The following CELA3B variants were observed in gnomAD, a reference collection of about 807,000 sequenced individuals.
The protein encoded by CELA3B is chymotrypsin-like elastase family member 3B.
In CELA3B, 34 loss-of-function variants were observed where a neutral mutation model predicts 37.2. The observed-to-expected ratio is 0.91, with a 90% CI of 0.70 to 1.22. The LOEUF (loss-of-function observed/expected upper bound fraction) is 1.22, where lower values mean the gene tolerates loss of function less well. Ranked by LOEUF, CELA3B falls within the 50% of genes most tolerant of loss-of-function variation. The pLI is 0.00. For missense variants in CELA3B, 340 were observed against 363.1 expected, an observed-to-expected ratio of 0.94 and a Z score of 0.52; for synonymous variants, 127 against 143.5, an observed-to-expected ratio of 0.89 and a Z score of 0.82.
Position 21,981,125 on chromosome 1 carries a change from G to A in CELA3B, c.315G>A (p.Gly105=), listed in dbSNP as rs758547151. ...AGCAGGTGATCCCCATCAACTCTGG[G>A]GACCTCTTTGTGCATCCACTCTGGA... ...GPEQVIPINS[G]DLFVHPLWNR... is the part of the protein sequence containing the mutation. The change falls in exon 4 of 8, where the codon GGG becomes GGA. Residue 105 remains glycine, a synonymous_variant. Coordinates refer to ENST00000337107, the MANE Select transcript of CELA3B (RefSeq NM_007352.4). The A allele has an allele frequency of 2.5e-6, 4 of 1,612,982 alleles. No individual in the cohort carries two copies. Among genetic ancestry groups the A allele is most frequent in the Non-Finnish European group, 2.5e-6 (3 of 1,180,018 alleles).
intron 4 of CELA3B, among the ~76,000 whole-genome samples, chr1:21,982,779 A>G (rs1644812890): frequency 6.6e-6 from 1 of 151,904 alleles, no homozygotes; most frequent in Non-Finnish European, 1.5e-5. Context: ...CCAGGTTCAC[A>G]CCATTCTCCT....
At chr1:21,977,916 C>A (rs1240964206) in intron 1 of CELA3B, 1 of 290,014 alleles carries the variant, frequency 3.4e-6, no homozygotes, top group Admixed American at 5.6e-5. Context: ...GCTATGTTGC[C>A]CAGGCTGGTC....
At chr1:21,985,510 T>C (rs1478684017) in intron 6 of CELA3B, among the ~76,000 whole-genome samples, 2 of 151,832 alleles carry the variant, frequency 1.3e-5, no homozygotes, top group Non-Finnish European at 2.9e-5. Flanking sequence ...ACTCTTGGGC[T>C]CAAGTGATCC....
intron 4 of CELA3B, among the ~76,000 whole-genome samples, chr1:21,994,397 T>C (rs999948853): frequency 6.6e-6 from 1 of 151,082 alleles, no homozygotes; most frequent in African/African-American, 2.5e-5. Flanking sequence ...CCTCTCTCTG[T>C]CCTACCATCT....
chr1:21,987,839 A>T (rs1403626202), intron 7 of CELA3B: 1 of 151,552 alleles, frequency 6.6e-6, no homozygotes, highest in Non-Finnish European at 1.5e-5. Flanking sequence ...CAGCACATGT[A>T]CTAAAATTGG....
In CELA3B at chr1:21,977,395, G is replaced by A. The variant is rs578102703; in HGVS notation, c.43+313G>A. 2.5e-3 allele frequency among the ~76,000 whole-genome samples: 379 copies of A among 152,176 alleles called. 1 individual carries two copies. The highest frequency in any genetic ancestry group is 3.5e-3 in the Admixed American group (53 of 15,272). ...CTTGGGTTGGAATTTCCACTGTTCTGCTTACCACTCCAACTCTCCTCTCAC... is the reference window on the plus strand; with the variant it reads ...CTTGGGTTGGAATTTCCACTGTTCTACTTACCACTCCAACTCTCCTCTCAC... On this transcript the variant is annotated intron_variant, in intron 1 of 7. Coordinates refer to ENST00000337107, the MANE Select transcript of CELA3B (RefSeq NM_007352.4).
chr1:21,985,338 C>T lies in CELA3B; in HGVS notation c.642+1007C>T, dbSNP rs113275546. On this transcript the variant is annotated intron_variant, in intron 6 of 7. Transcript: ENST00000337107. ...TGTTGCCCAGGCTGCAGTGCAGTAA[C>T]GCCATCACAGCCCACTGTAGCCTTG... is the stretch of plus-strand genomic sequence containing the variant. Among the ~76,000 whole-genome samples the T allele has an allele frequency of 9.1e-3, 1,365 of 149,198 alleles. 35 individuals are homozygous for T. The highest frequency in any genetic ancestry group is 0.063 in the East Asian group (310 of 4,928).
chr1:21,979,641 A>G (rs907448274), intron 2 of CELA3B, among the ~76,000 whole-genome samples: 18 of 150,894 alleles, frequency 1.2e-4, no homozygotes, highest in Non-Finnish European at 2.5e-4. Context: ...TGTTGTAGAG[A>G]TGGGGTCTCA....
rs940774086 is a variant in CELA3B, at chr1:21,996,876, G to C, written c.505-1275G>C. 7.5e-4 allele frequency among the ~76,000 whole-genome samples: 113 copies of C among 151,230 alleles called. 9 individuals are homozygous for C. Among genetic ancestry groups the C allele is most frequent in the African/African-American group, 2.5e-3 (103 of 40,820 alleles). On this transcript the variant is annotated intron_variant, in intron 4 of 4. Transcript: ENST00000400277. ...TTGTACCACAGGTGGGGCACCTGCA[G>C]GGCCTCCTTCCCCATCCCTGACACT...
intron 7 of CELA3B, among the ~76,000 whole-genome samples, chr1:21,988,160 C>T (rs1394552934): frequency 1.1e-4 from 16 of 151,646 alleles, no homozygotes; most frequent in Middle Eastern, 3.4e-3. Context: ...TGCAGTGCGC[C>T]GAGATTACGC....
intron 4 of CELA3B, among the ~76,000 whole-genome samples, chr1:21,982,828 C>T (rs1457923189): frequency 1.0e-5 from 1 of 98,774 alleles, no homozygotes; most frequent in Non-Finnish European, 2.2e-5. Flanking sequence ...CAGGTGCCCG[C>T]CACCAAGCCC....
downstream of CELA3B, among the ~76,000 whole-genome samples, chr1:21,990,789 C>G (rs150567618): frequency 1.1e-4 from 1 of 9,314 alleles, no homozygotes; most frequent in African/African-American, 4.3e-4. Context: ...CCCAGCTACT[C>G]GGAAGACTGA....
At chr1:21,980,970 G>T in intron 3 of CELA3B, 49 bp downstream of exon 3, 1 of 1,614,110 alleles carries the variant, frequency 6.2e-7, no homozygotes, top group East Asian at 2.2e-5. Flanking sequence ...AGCTGGGGAG[G>T]GTGGGTGATG....
downstream of CELA3B, among the ~76,000 whole-genome samples, chr1:21,992,393 G>A (rs1397753088): frequency 1.4e-4 from 22 of 151,908 alleles, no homozygotes; most frequent in African/African-American, 5.3e-4. Context: ...AACATAGTGA[G>A]ACCCCACCTC....
At position 21,981,074 on chromosome 1, in the gene CELA3B, C is replaced by T. The variant is rs377213641; in HGVS notation, c.264C>T (p.Tyr88=). Residue 88 remains tyrosine, a synonymous_variant, in exon 4 of 8, where the codon TAC becomes TAT. Transcript: ENST00000337107. ...CCTACCAGGTGGTGTTGGGCGAGTA[C>T]GACCGTGCTGTGAAGGAGGGCCCCG... is the stretch of plus-strand genomic sequence containing the variant. The part of the protein sequence containing the change: ...SRTYQVVLGE[Y]DRAVKEGPEQ... 7.5e-5 allele frequency: 121 copies of T among 1,613,886 alleles called. 2 individuals are homozygous for T. Among genetic ancestry groups the T allele is most frequent in the South Asian group, 2.6e-4 (24 of 91,078 alleles).
chr1:21,984,038 T>C, intron 5 of CELA3B, 151 bp from the exon 6 acceptor site: 1 of 1,241,652 alleles, frequency 8.1e-7, no homozygotes, highest in Non-Finnish European at 1.1e-6. Flanking sequence ...GCTAGGGATG[T>C]AATGGTGCAC....
downstream of CELA3B, among the ~76,000 whole-genome samples, chr1:21,991,944 G>T (rs1294746981): frequency 6.7e-6 from 1 of 150,196 alleles, no homozygotes; most frequent in African/African-American, 2.5e-5. Context: ...ACATGGTGAA[G>T]CCCCGTCTCT....
At chr1:21,982,997 G>A (rs971103477) in intron 4 of CELA3B, among the ~76,000 whole-genome samples, 23 of 152,278 alleles carry the variant, frequency 1.5e-4, no homozygotes, top group Middle Eastern at 3.4e-3. Flanking sequence ...TCAAAGGAGC[G>A]GACAATTCTG....
rs780136393 is a variant in CELA3B, at chr1:21,981,126, G to A, written c.316G>A (p.Asp106Asn). The A allele has an allele frequency of 1.2e-6, 2 of 1,612,986 alleles. No homozygotes were observed. The highest frequency in any genetic ancestry group is 8.5e-7 in the Non-Finnish European group (1 of 1,180,030). Residue 106 changes from aspartate (D) to asparagine (N), a missense_variant, in exon 4 of 8, where the codon GAC (aspartate) becomes AAC (asparagine). By Grantham distance (23) the Asp-to-Asn change is conservative. Transcript: ENST00000337107. Reference protein sequence around the residue: ...PEQVIPINSGDLFVHPLWNRS... With the variant: ...PEQVIPINSGNLFVHPLWNRS... Reference sequence around the variant, plus strand: ...GCAGGTGATCCCCATCAACTCTGGGGACCTCTTTGTGCATCCACTCTGGAA... The same window carrying A: ...GCAGGTGATCCCCATCAACTCTGGGAACCTCTTTGTGCATCCACTCTGGAA...
Sources: gnomAD v4.1 joint callset for allele counts (sites outside exome capture counted in the v4.1 genomes callset) on GRCh38, gnomAD v4.1.1 for gene constraint, MANE v1.5 for transcripts, NCBI Gene and HGNC (gene_info 2026-07-23, HGNC 2026-07-21) for gene names.